The following CUBN variants were observed in gnomAD, a reference collection of about 807,000 sequenced individuals.
CUBN encodes the protein cubilin.
A neutral mutation model predicts 405.3 loss-of-function variants in CUBN; 282 were observed. The observed-to-expected ratio is 0.70, with a 90% CI of 0.63 to 0.77. The LOEUF is 0.77. Ranked by LOEUF, CUBN falls within the 30% of genes least tolerant of loss-of-function variation. The pLI is 0.00. For missense variants in CUBN, 4,514 were observed against 4,475.2 expected (o/e 1.01, Z -0.25); for synonymous variants, 1,684 against 1,617.0 (o/e 1.04, Z -0.99).
intron 27 of CUBN, among the ~76,000 whole-genome samples, chr10:17,022,641 T>C (rs560441264): frequency 6.6e-6 from 1 of 152,332 alleles, no homozygotes; most frequent in East Asian, 1.9e-4. Flanking sequence ...TTGCAGCCTG[T>C]GCTTCTAAAT....
chr10:16,891,685 A>G (rs773308394), intron 54 of CUBN, among the ~76,000 whole-genome samples: 6 of 151,314 alleles, frequency 4.0e-5, no homozygotes, highest in Admixed American at 6.6e-5. Context: ...AAGTATGCAT[A>G]TTAGGTAATG....
In CUBN at chr10:16,933,220, AGGCCAGC is replaced by A; in HGVS notation, c.5984_5990del (p.Gly1995ValfsTer42). ...AGTCCACTCTATTACTGTAACTGTC[AGGCCAGC>A]CCGGGGAGAAGAGAAACACGGGTGC... On this transcript the variant is annotated frameshift_variant, in exon 40 of 67. Coordinates refer to ENST00000377833, the MANE Select transcript of CUBN (RefSeq NM_001081.4). LOFTEE classifies it high-confidence loss of function. The A allele has an allele frequency of 6.2e-7, 1 of 1,614,120 alleles. No homozygotes were observed. Among genetic ancestry groups the A allele is most frequent in the Non-Finnish European group, 8.5e-7 (1 of 1,179,996 alleles).
At chr10:16,940,801 A>AT (rs1436027978) in intron 36 of CUBN, among the ~76,000 whole-genome samples, 8 of 151,952 alleles carry the variant, frequency 5.3e-5, no homozygotes, top group East Asian at 1.9e-4. Flanking sequence ...GTAAATAATA[A>AT]AAAAAAAGAA....
At chr10:17,092,112 T>C (rs188028952) in intron 14 of CUBN, among the ~76,000 whole-genome samples, 114 of 152,192 alleles carry the variant, frequency 7.5e-4, no homozygotes, top group African/African-American at 2.7e-3. Context: ...CCCTGACCCA[T>C]AGGAAACAGA....
intron 27 of CUBN, among the ~76,000 whole-genome samples, chr10:17,020,791 A>G (rs1490676056): frequency 6.6e-6 from 1 of 152,198 alleles, no homozygotes; most frequent in Non-Finnish European, 1.5e-5. Context: ...TTTATATTAT[A>G]ATTCTATTGT....
chr10:16,889,237 C>T (rs1006460728), intron 55 of CUBN, among the ~76,000 whole-genome samples: 7 of 151,582 alleles, frequency 4.6e-5, no homozygotes, highest in Middle Eastern at 3.2e-3. Context: ...CAAGTACACA[C>T]GTGCACACTT....
At chr10:16,952,107 C>A (rs1213190085) in intron 33 of CUBN, among the ~76,000 whole-genome samples, 169 bp downstream of exon 33, 2 of 152,256 alleles carry the variant, frequency 1.3e-5, no homozygotes, top group East Asian at 1.9e-4. Flanking sequence ...ACTTCCCTAT[C>A]AGATTAGGAA....
intron 22 of CUBN, among the ~76,000 whole-genome samples, chr10:17,065,057 T>A (rs1835582163): frequency 6.6e-6 from 1 of 151,982 alleles, no homozygotes; most frequent in Non-Finnish European, 1.5e-5. Context: ...AATGAGCTCC[T>A]GAATTCTTTT....
chr10:16,989,512 A>G (rs995436246), intron 29 of CUBN, among the ~76,000 whole-genome samples: 14 of 148,482 alleles, frequency 9.4e-5, no homozygotes, highest in Non-Finnish European at 1.9e-4. Flanking sequence ...ATAGTACGTT[A>G]TATAATTATA....
intron 31 of CUBN, among the ~76,000 whole-genome samples, chr10:16,961,129 C>T (rs1347618012): frequency 6.6e-6 from 1 of 152,142 alleles, no homozygotes; most frequent in African/African-American, 2.4e-5. Flanking sequence ...GGCTGGCATA[C>T]AGTGGTGTGA....
intron 26 of CUBN, among the ~76,000 whole-genome samples, chr10:17,043,326 C>G (rs1835055240): frequency 6.6e-6 from 1 of 152,104 alleles, no homozygotes; most frequent in Non-Finnish European, 1.5e-5. Context: ...CATGCTTATT[C>G]CATGCATGAC....
chr10:17,129,353 T>C (rs1210746087), intron 1 of CUBN, 103 bp from the exon 2 acceptor site: 9 of 1,345,596 alleles, frequency 6.7e-6, no homozygotes, highest in Non-Finnish European at 9.5e-6. Flanking sequence ...AAATACATCT[T>C]CACTTTTTGA....
chr10:16,993,751 C>T (rs930051236), intron 28 of CUBN, among the ~76,000 whole-genome samples: 3 of 151,594 alleles, frequency 2.0e-5, no homozygotes, highest in African/African-American at 4.8e-5. Flanking sequence ...GTGATCCACC[C>T]GCCTTGGCCT....
At chr10:17,023,535 C>T (rs1025246293) in intron 27 of CUBN, 1 of 441,614 alleles carries the variant, frequency 2.3e-6, no homozygotes, top group Non-Finnish European at 4.6e-6. Context: ...AGTCATTTTT[C>T]AAAGTATACA....
chr10:17,022,979 C>T (rs988717945), intron 27 of CUBN, among the ~76,000 whole-genome samples: 3 of 152,182 alleles, frequency 2.0e-5, no homozygotes, highest in East Asian at 1.9e-4. Context: ...AATACTAGGT[C>T]GCAGCATGTT....
chr10:16,900,660 C>T lies in CUBN; in HGVS notation c.8375G>A (p.Gly2792Asp), dbSNP rs1306928204. Residue 2792 changes from glycine to aspartate, a missense_variant, in exon 53 of 67, where the codon GGT (glycine) becomes GAT (aspartate). This residue lies in a region of CUBN where 1,186 missense variants were observed against 1,186.9 expected (regional missense o/e 1.00). Transcript: ENST00000377833. ...TGTGTTCCACGTAGCATAAAATCCA[C>T]CACCTTGCAATGAATGGTCTGAGTT... ...TFNSDHSLQG[G>D]GFYATWNTQT... 6.2e-7 allele frequency: 1 copy of T among 1,614,106 alleles called. No individual in the cohort carries two copies. The highest frequency in any genetic ancestry group is 1.1e-5 in the South Asian group (1 of 91,084).
At chr10:17,110,228 T>C (rs1309301722) in intron 9 of CUBN, among the ~76,000 whole-genome samples, 1 of 152,220 alleles carries the variant, frequency 6.6e-6, no homozygotes, top group Non-Finnish European at 1.5e-5. Flanking sequence ...AATTACGATA[T>C]ATGCCTACTG....
At chr10:17,099,836 A>C (rs1836456924) in intron 14 of CUBN, among the ~76,000 whole-genome samples, 169 bp downstream of exon 14, 1 of 152,216 alleles carries the variant, frequency 6.6e-6, no homozygotes, top group African/African-American at 2.4e-5. Flanking sequence ...TGGGCAACAG[A>C]GTAAGACCTT....
At chr10:16,831,218 C>G (rs1838980019) in intron 65 of CUBN, 34 bp downstream of exon 65, 1 of 1,605,342 alleles carries the variant, frequency 6.2e-7, no homozygotes, top group South Asian at 1.1e-5. Context: ...GTTTTTCTCA[C>G]AGTGCTTTCC....
Sources: gnomAD v4.1 joint callset for allele counts (sites outside exome capture counted in the v4.1 genomes callset) on GRCh38, gnomAD v4.1.1 for gene constraint, gnomAD v4.1.1 regional missense constraint, MANE v1.5 for transcripts, NCBI Gene and HGNC (gene_info 2026-07-23, HGNC 2026-07-21) for gene names.